The following PDS5B variants were observed in gnomAD, a reference collection of about 807,000 sequenced individuals.
PDS5B encodes the protein PDS5 cohesin associated factor B, also known as sister chromatid cohesion protein PDS5 homolog B.
PDS5B carries 51 observed loss-of-function variants against 184.1 expected under a neutral mutation model. That is an observed-to-expected ratio of 0.28 (90% CI 0.22 to 0.35). The LOEUF (loss-of-function observed/expected upper bound fraction) is 0.35, where lower values mean the gene tolerates loss of function less well. PDS5B is among the 10% of genes least tolerant of loss of function. The pLI, the probability that PDS5B is intolerant of heterozygous loss-of-function variation, is 1.00. For synonymous variants in PDS5B, 566 were observed against 569.2 expected (o/e 0.99, Z 0.08); for missense variants, 1,180 against 1,723.3 (o/e 0.68, Z 5.58).
At chr13:32,655,795 ACT>A (rs1187711589) in intron 3 of PDS5B, among the ~76,000 whole-genome samples, 1 of 151,948 alleles carries the variant, frequency 6.6e-6, no homozygotes, top group Admixed American at 6.6e-5. Flanking sequence ...TTGTCTCTTA[ACT>A]CTATTTTGCT....
At chr13:32,625,226 C>G (rs1044143234) in intron 1 of PDS5B, among the ~76,000 whole-genome samples, 2 of 152,076 alleles carry the variant, frequency 1.3e-5, no homozygotes, top group African/African-American at 4.8e-5. Flanking sequence ...AAGCGATCCT[C>G]CCACCTGAGC....
chr13:32,707,952 A>G (rs1566354246), intron 18 of PDS5B, among the ~76,000 whole-genome samples: 1 of 151,934 alleles, frequency 6.6e-6, no homozygotes, highest in Non-Finnish European at 1.5e-5. Flanking sequence ...AGCTTTCCAG[A>G]AGACATGCCC....
chr13:32,698,092 A>G (rs1951759601), intron 15 of PDS5B, among the ~76,000 whole-genome samples: 1 of 149,822 alleles, frequency 6.7e-6, no homozygotes. Context: ...TGAGTTCAAT[A>G]TTTCCCAGAT....
intron 1 of PDS5B, among the ~76,000 whole-genome samples, chr13:32,639,755 G>A (rs904301489): frequency 2.0e-5 from 3 of 152,200 alleles, no homozygotes; most frequent in African/African-American, 7.2e-5. Flanking sequence ...GCCTTCTGTA[G>A]TTATATCAGA....
At chr13:32,661,385 CAAAAAAAAAAAAA>C (rs747985772) in intron 6 of PDS5B, among the ~76,000 whole-genome samples, 2 of 31,996 alleles carry the variant, frequency 6.3e-5, no homozygotes, top group Non-Finnish European at 1.1e-4. Context: ...GACTCTGTCT[CAAAAAAAAAAAAA>C]AAAAAAAAAA....
chr13:32,680,155 C>T (rs527254404), intron 10 of PDS5B, among the ~76,000 whole-genome samples: 47 of 151,856 alleles, frequency 3.1e-4, no homozygotes, highest in African/African-American at 1.0e-3. Flanking sequence ...ATTGGCAATC[C>T]GAGGCCGTCT....
chr13:32,670,828 T>G (rs563150386), intron 7 of PDS5B, among the ~76,000 whole-genome samples: 1 of 152,316 alleles, frequency 6.6e-6, no homozygotes, highest in African/African-American at 2.4e-5. Flanking sequence ...AGCCTCTGTT[T>G]TTGCACCTGC....
Position 32,648,936 on chromosome 13 carries a change from A to G in PDS5B, c.108+56A>G. Reference sequence around the variant, plus strand: ...GTGTAGGGCAGAGGTCCCCTGTGGAAATCACATGGGGCTATAATGTATCTT... The same window carrying G: ...GTGTAGGGCAGAGGTCCCCTGTGGAGATCACATGGGGCTATAATGTATCTT... On this transcript the variant is annotated intron_variant, in intron 2 of 34. Transcript: ENST00000315596. The G allele has an allele frequency of 4.9e-6, 4 of 821,938 alleles. 1 individual carries two copies. In the South Asian group the frequency reaches 5.4e-5, roughly 11 times the overall value. The allele number at this position is 821,938 out of a possible 1,614,324, so 50.9% of individuals were successfully genotyped here.
chr13:32,593,918 A>C (rs1019177299), intron 1 of PDS5B, among the ~76,000 whole-genome samples: 9 of 152,140 alleles, frequency 5.9e-5, no homozygotes, highest in African/African-American at 2.2e-4. Context: ...TCCATGTATA[A>C]ATGAACCTGC....
intron 1 of PDS5B, among the ~76,000 whole-genome samples, chr13:32,617,462 TG>T (rs1190071892): frequency 6.6e-6 from 1 of 152,218 alleles, no homozygotes; most frequent in Non-Finnish European, 1.5e-5. Flanking sequence ...AAGAGACCAC[TG>T]TGGCAAATGC....
At chr13:32,765,118 GTTGTT>G in intron 31 of PDS5B, among the ~76,000 whole-genome samples, 1 of 152,132 alleles carries the variant, frequency 6.6e-6, no homozygotes. Context: ...GACAGTTTGT[GTTGTT>G]TTAAGACAAA....
At chr13:32,700,603 C>T (rs1018457981) in intron 16 of PDS5B, among the ~76,000 whole-genome samples, 4 of 151,956 alleles carry the variant, frequency 2.6e-5, no homozygotes, top group African/African-American at 4.8e-5. Flanking sequence ...ATTTATCTTA[C>T]TGATTTGTGA....
chr13:32,713,160 T>G (rs563598522), intron 19 of PDS5B, among the ~76,000 whole-genome samples: 2 of 152,316 alleles, frequency 1.3e-5, no homozygotes, highest in South Asian at 4.1e-4. Flanking sequence ...CTTACTACCT[T>G]TAGTCCTAAC....
At chr13:32,733,344 G>C (rs975259026) in intron 20 of PDS5B, among the ~76,000 whole-genome samples, 2 of 152,070 alleles carry the variant, frequency 1.3e-5, no homozygotes, top group Non-Finnish European at 1.5e-5. Flanking sequence ...TGGCATTTTT[G>C]AGGTTCCACT....
intron 3 of PDS5B, among the ~76,000 whole-genome samples, chr13:32,657,456 G>A (rs1441412580): frequency 6.6e-6 from 1 of 152,070 alleles, no homozygotes; most frequent in Non-Finnish European, 1.5e-5. Flanking sequence ...TATCAGTGTC[G>A]TTGCATATGA....
chr13:32,665,623 ACATCTTTACAACCTC>A (rs1950772348), intron 6 of PDS5B, among the ~76,000 whole-genome samples: 4 of 150,068 alleles, frequency 2.7e-5, no homozygotes, highest in Non-Finnish European at 5.9e-5. Context: ...AAGAAAATAA[ACATCTTTACAACCTC>A]AAGATAGGAA....
chr13:32,686,442 AT>A (rs1379568697), intron 11 of PDS5B, among the ~76,000 whole-genome samples: 1 of 152,158 alleles, frequency 6.6e-6, no homozygotes. Flanking sequence ...GAAAAAAATT[AT>A]GAGGGATGGG....
intron 1 of PDS5B, among the ~76,000 whole-genome samples, chr13:32,622,763 T>C (rs2058320193): frequency 6.6e-6 from 1 of 152,232 alleles, no homozygotes; most frequent in South Asian, 2.1e-4. Flanking sequence ...CATTTTGTGA[T>C]GGCTTCTGTA....
intron 1 of PDS5B, among the ~76,000 whole-genome samples, chr13:32,643,668 G>A (rs539582557): frequency 1.3e-5 from 2 of 152,066 alleles, no homozygotes; most frequent in East Asian, 1.9e-4. Flanking sequence ...ATTGTGTTAC[G>A]GTTGTGTACA....
Sources: allele counts gnomAD v4.1 joint callset (sites outside exome capture counted in the v4.1 genomes callset), GRCh38; gene constraint gnomAD v4.1.1; transcripts MANE v1.5; gene names NCBI Gene and HGNC (gene_info 2026-07-23, HGNC 2026-07-21).